The following BDNF variants were observed in gnomAD, a reference collection of about 807,000 sequenced individuals.
BDNF encodes brain derived neurotrophic factor.
A neutral mutation model predicts 19.5 loss-of-function variants in BDNF; 1 was observed. The observed-to-expected ratio is 0.05, with a 90% CI of 0.02 to 0.24. BDNF has a LOEUF of 0.24. BDNF is among the 10% of genes least tolerant of loss of function. The probability of loss-of-function intolerance (pLI) is 1.00; values close to 1 mark genes in which losing one functional copy is unlikely to be tolerated. For missense variants in BDNF, 195 were observed against 317.6 expected (o/e 0.61, Z 2.93); for synonymous variants, 100 against 121.6 (o/e 0.82, Z 1.17).
At chr11:27,673,310 G>A (rs536492311) in intron 1 of BDNF, among the ~76,000 whole-genome samples, 3 of 151,320 alleles carry the variant, frequency 2.0e-5, no homozygotes, top group Non-Finnish European at 4.4e-5. Context: ...GGGAGAACAT[G>A]CAATAATTCT....
chr11:27,677,508 C>A (rs1856294187), intron 1 of BDNF: 1 of 149,474 alleles, frequency 6.7e-6, no homozygotes, highest in South Asian at 2.2e-4. Context: ...TGCACTCCAG[C>A]CTGGGCGACA....
Position 27,658,751 on chromosome 11 carries a change from AGTGTGCT to A in BDNF, c.-21-173_-21-167del. On this transcript the variant is annotated intron_variant, in intron 1 of 1. Coordinates refer to ENST00000356660, the MANE Select transcript of BDNF (RefSeq NM_001709.5). The surrounding 1 kb of genome is among the most constrained non-coding windows in gnomAD (Gnocchi z 5.7). ...GCACCAGACACAAATCAGTGTCAGTAGTGTGCTGTATGTGGTTTAATATAAACCAGAG... is the reference window on the plus strand; with the variant it reads ...GCACCAGACACAAATCAGTGTCAGTAGTATGTGGTTTAATATAAACCAGAG... 6.6e-7 allele frequency: 1 copy of A among 1,517,826 alleles called. No homozygotes were observed. The highest frequency in any genetic ancestry group is 8.8e-7 in the Non-Finnish European group (1 of 1,133,502). The allele number at this position is 1,517,826 out of a possible 1,614,324, so 94.0% of individuals were successfully genotyped here. A position where few individuals can be genotyped will look rare whatever the true frequency, so the allele number is the denominator to read the frequency against.
At chr11:27,678,923 C>G (rs1372282321) in intron 1 of BDNF, among the ~76,000 whole-genome samples, 1 of 152,152 alleles carries the variant, frequency 6.6e-6, no homozygotes. Flanking sequence ...AAATTCAAGA[C>G]TTCCCTTCCT....
intron 1 of BDNF, among the ~76,000 whole-genome samples, chr11:27,693,925 C>G (rs1858632879): frequency 6.6e-6 from 1 of 152,148 alleles, no homozygotes; most frequent in Non-Finnish European, 1.5e-5. Flanking sequence ...CTCCCTCTCT[C>G]CCTTTAGATA....
At chr11:27,707,230 A>G (rs1456688140) in intron 1 of BDNF, among the ~76,000 whole-genome samples, 1 of 152,252 alleles carries the variant, frequency 6.6e-6, no homozygotes, top group Non-Finnish European at 1.5e-5. Context: ...AAAGAGAATT[A>G]TGCTAACCTA....
Position 27,721,675 on chromosome 11 carries a change from C to T in BDNF, c.-261G>A, listed in dbSNP as rs539228710. 3.1e-5 allele frequency: 18 copies of T among 575,060 alleles called. No homozygotes were observed. In the South Asian group the frequency reaches 3.2e-4, roughly 10 times the overall value. The allele number at this position is 575,060 out of a possible 1,614,324, so 35.6% of individuals were successfully genotyped here. A position where few individuals can be genotyped will look rare whatever the true frequency, so the allele number is the denominator to read the frequency against. On this transcript the variant is annotated 5_prime_UTR_variant, in exon 1 of 2. Coordinates refer to the BDNF transcript ENST00000314915. ...AAACCTATAGATTTACGCAAACGCC[C>T]TCACTCCGAGAGACACGTTTCCTTT...
chr11:27,719,578 G>C (rs1305414695), intron 1 of BDNF: 1 of 985,068 alleles, frequency 1.0e-6, no homozygotes, highest in African/African-American at 1.8e-5. Flanking sequence ...CCCTTCCCTT[G>C]AGAAAGCGGG....
At chr11:27,671,571 A>G (rs1163056622) in intron 1 of BDNF, among the ~76,000 whole-genome samples, 5 of 152,194 alleles carry the variant, frequency 3.3e-5, no homozygotes. Flanking sequence ...TTTTTGTGTT[A>G]AATTTATAAA....
At chr11:27,659,627 C>CTGTG (rs71449160) in intron 1 of BDNF, 9,180 of 912,338 alleles carry the variant, frequency 0.01, 103 homozygotes, top group African/African-American at 0.064. Flanking sequence ...GAGATGTTCT[C>CTGTG]TCTGTGTGTG....
At chr11:27,672,007 T>C (rs72878181) in intron 1 of BDNF, among the ~76,000 whole-genome samples, 4,706 of 152,314 alleles carry the variant, frequency 0.031, 172 homozygotes, top group African/African-American at 0.082. Flanking sequence ...CTGTCATCTT[T>C]CCTCTTTGGT....
chr11:27,705,488 T>A (rs377468445), intron 1 of BDNF, among the ~76,000 whole-genome samples: 5 of 152,240 alleles, frequency 3.3e-5, no homozygotes, highest in African/African-American at 1.2e-4. Context: ...GCAAAAATAA[T>A]TTAGAAAAAA....
chr11:27,717,380 C>T (rs1181608301), intron 1 of BDNF, among the ~76,000 whole-genome samples: 6 of 152,146 alleles, frequency 3.9e-5, no homozygotes, highest in Admixed American at 2.0e-4. Flanking sequence ...AATGATACCT[C>T]CCATTTATGG....
chr11:27,673,918 T>G, intron 1 of BDNF: 1 of 1,004,796 alleles, frequency 1.0e-6, no homozygotes, highest in Non-Finnish European at 1.4e-6. Flanking sequence ...ACAAGAGAGA[T>G]GAAAACAGGT....
chr11:27,721,237 G>C (rs1387504984), intron 1 of BDNF, among the ~76,000 whole-genome samples: 2 of 152,178 alleles, frequency 1.3e-5, no homozygotes, highest in African/African-American at 2.4e-5. Flanking sequence ...CCACATAGCT[G>C]TGTCAAATCT....
rs551428056 is a variant in BDNF at position 27,671,268 on chromosome 11, G to T, written c.-21-12683C>A. Among the ~76,000 whole-genome samples, 4 of 151,688 alleles carry T rather than the reference G, an allele frequency of 2.6e-5. No individual in the cohort carries two copies. In the South Asian group the frequency reaches 6.2e-4, roughly 24 times the overall value. ...ACATGTATACATATGTAACAAACCT[G>T]CAGGTTGTGCACATGTACCCTAGAA... On this transcript the variant is annotated intron_variant, in intron 1 of 1. Coordinates refer to ENST00000356660, the MANE Select transcript of BDNF (RefSeq NM_001709.5).
At chr11:27,720,276 C>T in intron 1 of BDNF, 1 of 965,220 alleles carries the variant, frequency 1.0e-6, no homozygotes, top group Non-Finnish European at 1.2e-6. Context: ...CACCACGCGT[C>T]CTCTCCGGAA....
intron 1 of BDNF, chr11:27,659,202 AT>A: frequency 5.0e-6 from 5 of 997,366 alleles, no homozygotes; most frequent in Non-Finnish European, 6.0e-6. Flanking sequence ...AAGAAAGATA[AT>A]TTCATTGAGC....
At chr11:27,670,166 C>A (rs1855109519) in intron 1 of BDNF, among the ~76,000 whole-genome samples, 1 of 152,172 alleles carries the variant, frequency 6.6e-6, no homozygotes, top group Non-Finnish European at 1.5e-5. Context: ...GGAAAGGATT[C>A]TCTATTTAAT....
At chr11:27,686,778 T>C (rs1857546686) in intron 1 of BDNF, among the ~76,000 whole-genome samples, 1 of 152,232 alleles carries the variant, frequency 6.6e-6, no homozygotes, top group African/African-American at 2.4e-5. Flanking sequence ...AGATCCACTG[T>C]TAGTCTGATG....
Sources: allele counts gnomAD v4.1 joint callset (sites outside exome capture counted in the v4.1 genomes callset), GRCh38; gene constraint gnomAD v4.1.1; non-coding constraint Gnocchi (gnomAD v3.1); transcripts MANE v1.5; gene names NCBI Gene and HGNC (gene_info 2026-07-23, HGNC 2026-07-21).